The following SHC3 variants were observed in gnomAD, a reference collection of about 807,000 sequenced individuals.
The protein encoded by SHC3 is SHC adaptor protein 3.
In SHC3, 15 loss-of-function variants were observed where a neutral mutation model predicts 60.4. That is an observed-to-expected ratio of 0.25 (90% CI 0.17 to 0.38). SHC3 has a LOEUF of 0.38. SHC3 is among the 10% of genes least tolerant of loss of function. The pLI is 1.00. For synonymous variants in SHC3, 294 were observed against 325.9 expected, an observed-to-expected ratio of 0.90 and a Z score of 1.05; for missense variants, 677 against 786.1, an observed-to-expected ratio of 0.86 and a Z score of 1.66.
At chr9:89,091,020 A>C (rs929126946) in intron 2 of SHC3, among the ~76,000 whole-genome samples, 2 of 152,218 alleles carry the variant, frequency 1.3e-5, no homozygotes, top group Admixed American at 1.3e-4. Flanking sequence ...GGGGGACATA[A>C]AGCAAGATCT....
At chr9:89,083,076 A>T (rs1825471368) in intron 2 of SHC3, among the ~76,000 whole-genome samples, 1 of 152,202 alleles carries the variant, frequency 6.6e-6, no homozygotes, top group Non-Finnish European at 1.5e-5. Flanking sequence ...ACAAGGTAGC[A>T]GTCCTGGGTC....
intron 1 of SHC3, among the ~76,000 whole-genome samples, chr9:89,170,804 C>T (rs1826858502): frequency 6.6e-6 from 1 of 152,118 alleles, no homozygotes; most frequent in Non-Finnish European, 1.5e-5. Context: ...GTAGCATTTA[C>T]ATTATAATAG....
chr9:89,142,231 C>A (rs1016100203), intron 1 of SHC3, among the ~76,000 whole-genome samples: 2 of 152,142 alleles, frequency 1.3e-5, no homozygotes, highest in African/African-American at 4.8e-5. Flanking sequence ...GGCCTTGAAC[C>A]CAAGTTCAGT....
intron 2 of SHC3, among the ~76,000 whole-genome samples, chr9:89,103,238 C>T (rs1372311269): frequency 4.2e-5 from 6 of 142,544 alleles, no homozygotes; most frequent in African/African-American, 2.7e-5. Context: ...GAGAGAGAGA[C>T]GGGAAAAAGA....
At chr9:89,151,260 C>T (rs944830837) in intron 1 of SHC3, among the ~76,000 whole-genome samples, 1 of 152,136 alleles carries the variant, frequency 6.6e-6, no homozygotes, top group Admixed American at 6.5e-5. Context: ...GAAGAAATGT[C>T]TATTCAAATC....
chr9:89,135,949 A>G (rs1360999500), intron 1 of SHC3, among the ~76,000 whole-genome samples: 1 of 152,046 alleles, frequency 6.6e-6, no homozygotes, highest in Non-Finnish European at 1.5e-5. Context: ...TTGCTGTCGT[A>G]CTCCTTGTGT....
chr9:89,067,789 T>A (rs779892691), intron 5 of SHC3, among the ~76,000 whole-genome samples: 4 of 152,198 alleles, frequency 2.6e-5, no homozygotes, highest in Non-Finnish European at 5.9e-5. Context: ...TAATATTACA[T>A]TGAATGTCAT....
chr9:89,171,869 A>C (rs1039358762), intron 1 of SHC3, among the ~76,000 whole-genome samples: 1 of 152,382 alleles, frequency 6.6e-6, no homozygotes, highest in East Asian at 1.9e-4. Context: ...CTGCCAGACC[A>C]GCTGAGGTGC....
intron 1 of SHC3, among the ~76,000 whole-genome samples, chr9:89,148,290 G>C (rs10867155): frequency 2.7e-4 from 41 of 152,180 alleles, no homozygotes; most frequent in African/African-American, 8.4e-4. Context: ...TGAGAACTTG[G>C]ACATTGTAGT....
chr9:89,086,037 C>A (rs1825524264), intron 2 of SHC3, among the ~76,000 whole-genome samples: 1 of 152,240 alleles, frequency 6.6e-6, no homozygotes, highest in Non-Finnish European at 1.5e-5. Flanking sequence ...TGAATCTATA[C>A]AACTTAGCAT....
Position 89,071,581 on chromosome 9 carries a change from A to G in SHC3, c.730-329T>C, listed in dbSNP as rs552307145. Among the ~76,000 whole-genome samples the G allele has an allele frequency of 1.1e-3, 164 of 152,308 alleles. 1 individual carries two copies. Among genetic ancestry groups the G allele is most frequent in the Admixed American group, 1.7e-3 (26 of 15,298 alleles). On this transcript the variant is annotated intron_variant, in intron 4 of 11. Coordinates refer to ENST00000375835, the MANE Select transcript of SHC3 (RefSeq NM_016848.6). ...AATTAAGACAGCTGGTGATTAGCAG[A>G]GCTGCGATCTAACACGGGGGCGTAT...
At chr9:89,018,271 G>C (rs1412844574) in intron 11 of SHC3, among the ~76,000 whole-genome samples, 1 of 151,732 alleles carries the variant, frequency 6.6e-6, no homozygotes, top group Non-Finnish European at 1.5e-5. Flanking sequence ...ACTGGGTAAA[G>C]AAAATGTGGC....
intron 2 of SHC3, chr9:89,109,014 C>T: frequency 2.1e-6 from 2 of 975,328 alleles, no homozygotes; most frequent in Non-Finnish European, 2.4e-6. Context: ...CGACTTCTGA[C>T]ATTCTCTGAG....
chr9:89,015,397 T>C (rs1195692698), intron 11 of SHC3, among the ~76,000 whole-genome samples: 7 of 152,234 alleles, frequency 4.6e-5, no homozygotes, highest in African/African-American at 1.7e-4. Flanking sequence ...GAGGACCTTT[T>C]AGTAGCCACA....
intron 10 of SHC3, among the ~76,000 whole-genome samples, chr9:89,040,834 C>G (rs1394922534): frequency 6.6e-6 from 1 of 152,190 alleles, no homozygotes; most frequent in African/African-American, 2.4e-5. Flanking sequence ...TCCAGTGTGT[C>G]TGGGAAGTCA....
intron 1 of SHC3, among the ~76,000 whole-genome samples, chr9:89,157,312 A>C (rs145844415): frequency 6.6e-6 from 1 of 152,344 alleles, no homozygotes; most frequent in African/African-American, 2.4e-5. Context: ...CAGGTGAGAA[A>C]AAGACAAAGT....
intron 1 of SHC3, among the ~76,000 whole-genome samples, chr9:89,172,338 GATCCTTGTCACACT>G (rs1311158062): frequency 6.6e-6 from 1 of 152,182 alleles, no homozygotes; most frequent in Non-Finnish European, 1.5e-5. Context: ...ACCCTCAGTG[GATCCTTGTCACACT>G]GTTGTTGTTT....
chr9:89,178,052 G>A lies in SHC3; in HGVS notation c.409C>T (p.Pro137Ser). 8.2e-7 allele frequency: 1 copy of A among 1,219,552 alleles called. No individual in the cohort carries two copies. Among genetic ancestry groups the A allele is most frequent in the South Asian group, 4.0e-5 (1 of 24,852 alleles). 75.5% of individuals were successfully genotyped at this position (1,219,552 alleles called of 1,614,324 possible). A position where few individuals can be genotyped will look rare whatever the true frequency, so the allele number is the denominator to read the frequency against. The change falls in exon 1 of 12, where the codon CCC becomes TCC. Residue 137 changes from proline (P) to serine (S), a missense_variant. Transcript: ENST00000375835. This position sits in a 1 kb window ranked among gnomAD's most constrained non-coding sequence, Gnocchi z 6.9. ...GRPGDEPLPR[P>S]PRGAPHASDQ... ...CTGGCGTGCGGCGCCCCCCGAGGGG[G>A]CCTGGGCAGCGGCTCGTCGCCGGGC...
rs577570136 is a variant in SHC3 at position 89,078,577 on chromosome 9, C to CG, written c.546-675dup. The stretch of plus-strand genomic sequence containing the variant: ...GCAGAGTGTCCTGGTGCTGAGTGGC[C>CG]GGGGGCAAGAGTCCAACACGTGGTT... On this transcript the variant is annotated intron_variant, in intron 2 of 11. Coordinates refer to ENST00000375835, the MANE Select transcript of SHC3 (RefSeq NM_016848.6). Among the ~76,000 whole-genome samples, 223 of 151,968 alleles carry CG rather than the reference C, an allele frequency of 1.5e-3. 1 individual carries two copies. Among genetic ancestry groups the CG allele is most frequent in the African/African-American group, 5.0e-3 (207 of 41,452 alleles).
Sources: gnomAD v4.1 joint callset for allele counts (sites outside exome capture counted in the v4.1 genomes callset) on GRCh38, gnomAD v4.1.1 for gene constraint, Gnocchi (gnomAD v3.1) non-coding constraint, MANE v1.5 for transcripts, NCBI Gene and HGNC (gene_info 2026-07-23, HGNC 2026-07-21) for gene names.